The following DOCK10 variants were observed in gnomAD, a reference collection of about 807,000 sequenced individuals.
DOCK10 encodes dedicator of cytokinesis protein 10.
Under a neutral mutation model 280.1 loss-of-function variants are expected in DOCK10, and 145 were observed. The ratio of observed to expected loss-of-function variants is 0.52; its 90% confidence interval spans 0.45 to 0.59. DOCK10 has a LOEUF of 0.59. Among genes scored for constraint, DOCK10 ranks in the 20% least tolerant of loss-of-function variants. The probability of loss-of-function intolerance (pLI) is 0.00; values close to 1 mark genes in which losing one functional copy is unlikely to be tolerated. For missense variants in DOCK10, 2,368 were observed against 2,651.7 expected, an observed-to-expected ratio of 0.89 and a Z score of 2.35; for synonymous variants, 915 against 942.2, an observed-to-expected ratio of 0.97 and a Z score of 0.53.
intron 1 of DOCK10, among the ~76,000 whole-genome samples, chr2:224,974,807 T>TATTA: frequency 7.5e-6 from 1 of 132,900 alleles, no homozygotes; most frequent in South Asian, 2.3e-4. Context: ...ATATCATATA[T>TATTA]ATTATATATA....
At chr2:224,983,508 GA>G (rs35123622) in intron 1 of DOCK10, 4 of 199,436 alleles carry the variant, frequency 2.0e-5, no homozygotes, top group East Asian at 1.1e-4. Context: ...GAGATTCAAA[GA>G]AAAAAAAATG....
intron 31 of DOCK10, among the ~76,000 whole-genome samples, chr2:224,812,162 T>TC (rs1360315634): frequency 6.6e-6 from 1 of 152,252 alleles, no homozygotes; most frequent in Non-Finnish European, 1.5e-5. Context: ...TTTATTTCAC[T>TC]GAGCAGTGGT....
At position 225,042,376 on chromosome 2, in the gene DOCK10, GC is replaced by G. The variant is rs1450695761; in HGVS notation, c.-3del. 51 of 1,254,000 alleles carry G rather than the reference GC, an allele frequency of 4.1e-5. No individual in the cohort carries two copies. Among genetic ancestry groups the G allele is most frequent in the Non-Finnish European group, 4.7e-5 (47 of 998,582 alleles). The allele number at this position is 1,254,000 out of a possible 1,614,324, so 77.7% of individuals were successfully genotyped here. The stretch of plus-strand genomic sequence containing the variant: ...CCTGCGGGTCCGCTCACCGGCCATC[GC>G]CGGTCACGCCAATCGCGCCGCGGGC... On this transcript the variant is annotated 5_prime_UTR_variant, in exon 1 of 56. Coordinates refer to ENST00000258390, the MANE Select transcript of DOCK10 (RefSeq NM_014689.3). The surrounding 1 kb of genome is among the most constrained non-coding windows in gnomAD (Gnocchi z 5.1).
chr2:225,000,999 A>G (rs1706417124), intron 1 of DOCK10, among the ~76,000 whole-genome samples: 1 of 152,146 alleles, frequency 6.6e-6, no homozygotes, highest in South Asian at 2.1e-4. Context: ...TAATCACTAG[A>G]AGCTATTGTG....
At chr2:224,802,814 A>G (rs1693106597) in intron 39 of DOCK10, among the ~76,000 whole-genome samples, 1 of 152,198 alleles carries the variant, frequency 6.6e-6, no homozygotes, top group Non-Finnish European at 1.5e-5. Context: ...ATTTGGAAAT[A>G]CCCTGAAGTA....
At position 224,823,615 on chromosome 2, in the gene DOCK10, G is replaced by C; in HGVS notation, c.3069C>G (p.Tyr1023Ter). Reference protein sequence around the residue: ...LPRPQRFPESYQNELDNLVMV... With the variant: ...LPRPQRFPES Reference sequence around the variant, plus strand: ...TGACAAGATTGTCCAATTCATTTTGGTAAGATTCAGGAAATCTCTGAGGCC... The same window carrying C: ...TGACAAGATTGTCCAATTCATTTTGCTAAGATTCAGGAAATCTCTGAGGCC... Residue 1023 changes from tyrosine (Y) to a stop codon, truncating the protein, a stop_gained, in exon 28 of 56, where the codon TAC becomes TAG. Transcript: ENST00000258390. LOFTEE classifies it high-confidence loss of function. 2 of 1,602,608 alleles carry C rather than the reference G, an allele frequency of 1.2e-6. No homozygotes were observed. The highest frequency in any genetic ancestry group is 1.7e-6 in the Non-Finnish European group (2 of 1,176,338).
chr2:224,923,251 C>A (rs1225881828), intron 2 of DOCK10, among the ~76,000 whole-genome samples: 1 of 152,154 alleles, frequency 6.6e-6, no homozygotes, highest in African/African-American at 2.4e-5. Flanking sequence ...AGCATGAAGA[C>A]ACAGTGTTGT....
intron 47 of DOCK10, among the ~76,000 whole-genome samples, chr2:224,791,673 A>T (rs1171325129): frequency 5.3e-4 from 78 of 146,186 alleles, no homozygotes; most frequent in African/African-American, 1.8e-3. Flanking sequence ...ACGGGGTTTC[A>T]TCATCTTGGC....
intron 1 of DOCK10, chr2:224,982,505 A>T: frequency 1.6e-6 from 2 of 1,225,916 alleles, no homozygotes; most frequent in Non-Finnish European, 2.0e-6. Flanking sequence ...AGCTCTGATC[A>T]TCTGATCATG....
intron 45 of DOCK10, among the ~76,000 whole-genome samples, chr2:224,794,137 T>C (rs145128728): frequency 0.012 from 1,799 of 152,354 alleles, 34 homozygotes; most frequent in African/African-American, 0.04. Flanking sequence ...CTCATTCTTG[T>C]CCTCACTAAA....
chr2:224,852,229 T>C, intron 18 of DOCK10, 148 bp downstream of exon 18: 2 of 609,726 alleles, frequency 3.3e-6, no homozygotes, highest in South Asian at 4.9e-5. Flanking sequence ...ATGAGGACTG[T>C]TAAATCAGGT....
In DOCK10 at chr2:224,957,289, C is replaced by CCA. The variant is rs534733640; in HGVS notation, c.124-25622_124-25621insTG. On this transcript the variant is annotated intron_variant, in intron 1 of 55. Transcript: ENST00000258390. ...AGTATTTAGTTTTTACTTTCCGCCCCCCCCCGGCTTTGTTTTTCGGAGATG... is the reference window on the plus strand; with the variant it reads ...AGTATTTAGTTTTTACTTTCCGCCCCCACCCCCGGCTTTGTTTTTCGGAGATG... Among the ~76,000 whole-genome samples the CCA allele has an allele frequency of 1.3e-4, 19 of 146,268 alleles. 1 individual carries two copies. The highest frequency in any genetic ancestry group is 2.3e-4 in the African/African-American group (9 of 38,424).
In DOCK10 at chr2:225,019,445, C is replaced by CTTTTT. The variant is rs11399371; in HGVS notation, c.123+22802_123+22806dup. 1.8e-3 allele frequency among the ~76,000 whole-genome samples: 247 copies of CTTTTT among 139,700 alleles called. 3 individuals carry two copies. Among genetic ancestry groups the CTTTTT allele is most frequent in the Admixed American group, 3.5e-3 (48 of 13,882 alleles). 91.6% of individuals were successfully genotyped at this position (139,700 alleles called of 152,430 possible). A position where few individuals can be genotyped will look rare whatever the true frequency, so the allele number is the denominator to read the frequency against. ...AAAGCTCAAGAGAGTGTGGTTTAAT[C>CTTTTT]TTTTTTTTTTTTTTTTCCTGGCTAA... is the stretch of plus-strand genomic sequence containing the variant. On this transcript the variant is annotated intron_variant, in intron 1 of 55. Transcript: ENST00000258390.
chr2:224,807,505 T>C lies in DOCK10; in HGVS notation c.3702+163A>G. Reference sequence around the variant, plus strand: ...GGATCAGGTGGAGGCTAAAGGGACCTATCTGGAACAAATGACACATTGATG... The same window carrying C: ...GGATCAGGTGGAGGCTAAAGGGACCCATCTGGAACAAATGACACATTGATG... On this transcript the variant is annotated intron_variant, in intron 33 of 55. Transcript: ENST00000258390. 2 of 542,658 alleles carry C rather than the reference T, an allele frequency of 3.7e-6. 1 individual carries two copies. Among genetic ancestry groups the C allele is most frequent in the Admixed American group, 6.3e-5 (2 of 31,946 alleles). The allele number at this position is 542,658 out of a possible 1,614,324, so 33.6% of individuals were successfully genotyped here.
chr2:224,914,915 G>C (rs1013640469), intron 3 of DOCK10, among the ~76,000 whole-genome samples: 2 of 152,018 alleles, frequency 1.3e-5, no homozygotes, highest in Admixed American at 6.6e-5. Flanking sequence ...ATTCATATTA[G>C]GAAATCAACA....
intron 3 of DOCK10, among the ~76,000 whole-genome samples, chr2:224,903,011 C>T (rs572475807): frequency 4.6e-5 from 7 of 152,060 alleles, no homozygotes; most frequent in East Asian, 1.9e-4. Flanking sequence ...GGCGGGAGAA[C>T]GGCGTGAACC....
chr2:225,041,074 A>G (rs1036669997), intron 1 of DOCK10, among the ~76,000 whole-genome samples: 6 of 152,060 alleles, frequency 3.9e-5, no homozygotes, highest in African/African-American at 1.2e-4. Context: ...TGGGCACCCG[A>G]TGCCTCTTCC....
chr2:224,974,743 A>G (rs1204183736), intron 1 of DOCK10, among the ~76,000 whole-genome samples: 2 of 123,976 alleles, frequency 1.6e-5, no homozygotes, highest in South Asian at 2.8e-4. Flanking sequence ...TCTCCACAGT[A>G]TGATTTCCCC....
intron 11 of DOCK10, among the ~76,000 whole-genome samples, chr2:224,868,357 G>C (rs1214441507): frequency 6.6e-6 from 1 of 152,110 alleles, no homozygotes. Context: ...TACATATATT[G>C]CATACATGCA....
Sources: gnomAD v4.1 joint callset for allele counts (sites outside exome capture counted in the v4.1 genomes callset) on GRCh38, gnomAD v4.1.1 for gene constraint, Gnocchi (gnomAD v3.1) non-coding constraint, MANE v1.5 for transcripts, NCBI Gene and HGNC (gene_info 2026-07-23, HGNC 2026-07-21) for gene names.